SCAPER: variants seen among roughly 807,000 people sequenced by gnomAD.
SCAPER encodes S phase cyclin A-associated protein in the endoplasmic reticulum.
Under a neutral mutation model 182.2 loss-of-function variants are expected in SCAPER, and 98 were observed. The observed-to-expected ratio is 0.54, with a 90% CI of 0.46 to 0.64. SCAPER has a LOEUF of 0.64. Among genes scored for constraint, SCAPER ranks in the 30% least tolerant of loss-of-function variants. The probability of loss-of-function intolerance (pLI) is 0.00; values close to 1 mark genes in which losing one functional copy is unlikely to be tolerated. For missense variants in SCAPER, 1,432 were observed against 1,690.0 expected (o/e 0.85, Z 2.68); for synonymous variants, 605 against 564.6 (o/e 1.07, Z -1.01).
chr15:76,862,120 G>A (rs2071925198), intron 3 of SCAPER, among the ~76,000 whole-genome samples: 2 of 152,142 alleles, frequency 1.3e-5, no homozygotes, highest in African/African-American at 2.4e-5. Flanking sequence ...TTTGGGTGGG[G>A]AGACAAAGCC....
intron 24 of SCAPER, among the ~76,000 whole-genome samples, chr15:76,494,664 C>T (rs1020599875): frequency 5.9e-5 from 9 of 152,056 alleles, no homozygotes; most frequent in Admixed American, 2.0e-4. Flanking sequence ...CGCTCATTGA[C>T]GCAACCTTCG....
chr15:76,691,890 A>G (rs1346049027), intron 20 of SCAPER, among the ~76,000 whole-genome samples: 3 of 152,218 alleles, frequency 2.0e-5, no homozygotes, highest in African/African-American at 7.2e-5. Flanking sequence ...CTGTCAAACA[A>G]AACAGACTTT....
intron 5 of SCAPER, among the ~76,000 whole-genome samples, chr15:76,816,654 AT>A (rs34237655): frequency 0.37 from 52,779 of 142,622 alleles, 10,457 homozygotes; most frequent in Middle Eastern, 0.51. Context: ...CAGTAACATA[AT>A]TTTTTTTTTT....
At chr15:76,739,619 G>A (rs1175334812) in intron 15 of SCAPER, among the ~76,000 whole-genome samples, 2 of 152,058 alleles carry the variant, frequency 1.3e-5, no homozygotes, top group African/African-American at 2.4e-5. Flanking sequence ...TTTCACCATG[G>A]TACTCACAAC....
intron 17 of SCAPER, among the ~76,000 whole-genome samples, chr15:76,720,326 C>G (rs1369177720): frequency 1.1e-4 from 17 of 152,000 alleles, no homozygotes; most frequent in Non-Finnish European, 2.1e-4. Context: ...TCCAGTCTAT[C>G]ATTGTTGGAC....
At chr15:76,637,271 C>G (rs988315329) in intron 21 of SCAPER, among the ~76,000 whole-genome samples, 1 of 152,110 alleles carries the variant, frequency 6.6e-6, no homozygotes, top group Non-Finnish European at 1.5e-5. Context: ...TATCTAAGAG[C>G]AGAATTACTG....
At chr15:76,862,565 T>A in intron 2 of SCAPER, 32 bp from the exon 3 acceptor site, 7 of 1,305,776 alleles carry the variant, frequency 5.4e-6, no homozygotes, top group Non-Finnish European at 7.6e-6. Context: ...CTTATTAGAT[T>A]ATTAGATAAG....
At chr15:76,521,479 T>A (rs2042832260) in intron 23 of SCAPER, among the ~76,000 whole-genome samples, 1 of 152,088 alleles carries the variant, frequency 6.6e-6, no homozygotes, top group South Asian at 2.1e-4. Context: ...GGCCAGGAGT[T>A]CGAGACCAAT....
chr15:76,354,224 T>C lies in SCAPER; in HGVS notation c.3856-84A>G. 1 of 1,259,172 alleles carries C rather than the reference T, an allele frequency of 7.9e-7. No homozygotes were observed. The highest frequency in any genetic ancestry group is 1.5e-5 in the South Asian group (1 of 65,044). The allele number at this position is 1,259,172 out of a possible 1,614,324, so 78.0% of individuals were successfully genotyped here. A position where few individuals can be genotyped will look rare whatever the true frequency, so the allele number is the denominator to read the frequency against. ...ACCTGCACAGTGTCGGCTAGTACCA[T>C]GGAAAACATGCTGAAGGAGTGTAAA... On this transcript the variant is annotated intron_variant, in intron 29 of 31. Coordinates refer to ENST00000563290, the MANE Select transcript of SCAPER (RefSeq NM_020843.4). The surrounding 1 kb of genome is among the most constrained non-coding windows in gnomAD (Gnocchi z 4.4).
chr15:76,430,580 C>CA (rs1391874808), intron 26 of SCAPER, among the ~76,000 whole-genome samples: 2 of 152,340 alleles, frequency 1.3e-5, no homozygotes, highest in East Asian at 3.9e-4. Flanking sequence ...TTTGGACTGG[C>CA]ATGGGGCCTG....
At chr15:76,410,258 C>G (rs1012847952) in intron 26 of SCAPER, among the ~76,000 whole-genome samples, 1 of 152,174 alleles carries the variant, frequency 6.6e-6, no homozygotes, top group African/African-American at 2.4e-5. Context: ...ATTCATCTCA[C>G]AGTAATGCAA....
intron 24 of SCAPER, chr15:76,472,165 G>A: frequency 2.3e-6 from 1 of 439,600 alleles, no homozygotes; most frequent in Non-Finnish European, 4.3e-6. Flanking sequence ...AAGCCAGAAA[G>A]ATCCGTAAGG....
intron 7 of SCAPER, 126 bp from the exon 8 acceptor site, chr15:76,795,566 C>A: frequency 3.2e-6 from 2 of 629,230 alleles, no homozygotes; most frequent in Non-Finnish European, 4.7e-6. Context: ...AATAATCTGC[C>A]ACGGCAATTT....
intron 21 of SCAPER, among the ~76,000 whole-genome samples, chr15:76,658,859 C>T (rs1597985725): frequency 6.6e-6 from 1 of 152,180 alleles, no homozygotes; most frequent in African/African-American, 2.4e-5. Context: ...GGGTAATTGG[C>T]TAGCCATATG....
chr15:76,841,374 C>T (rs2069460008), intron 5 of SCAPER, among the ~76,000 whole-genome samples: 1 of 152,174 alleles, frequency 6.6e-6, no homozygotes, highest in African/African-American at 2.4e-5. Flanking sequence ...GGGCCAGGCA[C>T]AGTGGCTCAT....
intron 17 of SCAPER, among the ~76,000 whole-genome samples, chr15:76,721,404 T>C (rs1305907598): frequency 1.3e-5 from 2 of 151,924 alleles, no homozygotes; most frequent in African/African-American, 2.4e-5. Flanking sequence ...GACTTGGCGA[T>C]GCGGGCTCTT....
chr15:76,408,802 T>C (rs984315585), intron 26 of SCAPER, among the ~76,000 whole-genome samples: 2 of 151,996 alleles, frequency 1.3e-5, no homozygotes, highest in African/African-American at 4.8e-5. Flanking sequence ...GTGGCATTTT[T>C]TGGGTCCTTA....
intron 5 of SCAPER, among the ~76,000 whole-genome samples, chr15:76,839,211 C>T (rs538305527): frequency 6.6e-6 from 1 of 152,278 alleles, no homozygotes; most frequent in Admixed American, 6.5e-5. Flanking sequence ...ATGTGAATTA[C>T]ATATATGTGT....
intron 29 of SCAPER, among the ~76,000 whole-genome samples, chr15:76,358,819 C>T (rs994764069): frequency 7.2e-5 from 11 of 152,188 alleles, no homozygotes; most frequent in African/African-American, 2.4e-4. Context: ...GAAAGGCTAC[C>T]ATCTCTAACC....
Sources: gnomAD v4.1 joint callset for allele counts (sites outside exome capture counted in the v4.1 genomes callset) on GRCh38, gnomAD v4.1.1 for gene constraint, Gnocchi (gnomAD v3.1) non-coding constraint, MANE v1.5 for transcripts, NCBI Gene and HGNC (gene_info 2026-07-23, HGNC 2026-07-21) for gene names.